Variants in FGD5 observed in about 807,000 individuals in gnomAD.
The protein encoded by FGD5 is FYVE, RhoGEF and PH domain containing 5.
In FGD5, 28 loss-of-function variants were observed where a neutral mutation model predicts 133.4. The ratio of observed to expected loss-of-function variants is 0.21; its 90% CI spans 0.16 to 0.29. The LOEUF (loss-of-function observed/expected upper bound fraction) is 0.29, where lower values mean the gene tolerates loss of function less well. FGD5 is among the 10% of genes least tolerant of loss of function. FGD5 has a pLI of 1.00. For missense variants in FGD5, 1,858 were observed against 1,895.2 expected, an observed-to-expected ratio of 0.98 and a Z score of 0.36; for synonymous variants, 810 against 776.5, an observed-to-expected ratio of 1.04 and a Z score of -0.72.
At chr3:14,825,725 T>C (rs1349110650) in intron 1 of FGD5, among the ~76,000 whole-genome samples, 3 of 152,106 alleles carry the variant, frequency 2.0e-5, no homozygotes, top group Non-Finnish European at 4.4e-5. Context: ...AAAAAAAAGT[T>C]TTCAGCAGAG....
chr3:14,930,300 T>A (rs942425167), intron 18 of FGD5, among the ~76,000 whole-genome samples: 3 of 152,190 alleles, frequency 2.0e-5, no homozygotes, highest in African/African-American at 7.2e-5. Flanking sequence ...ACCTAGTTCT[T>A]TTTTAAGACT....
intron 1 of FGD5, among the ~76,000 whole-genome samples, chr3:14,862,105 G>T (rs2125103208): frequency 6.6e-6 from 1 of 152,264 alleles, no homozygotes; most frequent in South Asian, 2.1e-4. Flanking sequence ...TCACATAGTG[G>T]CTGTGCTAGG....
At chr3:14,828,087 G>T (rs903318547) in intron 1 of FGD5, among the ~76,000 whole-genome samples, 1 of 152,176 alleles carries the variant, frequency 6.6e-6, no homozygotes, top group African/African-American at 2.4e-5. Flanking sequence ...ATGGTTGTTT[G>T]TGAAATGACT....
At position 14,917,405 on chromosome 3, in the gene FGD5, G is replaced by T; in HGVS notation, c.3489+73G>T. 5.1e-6 allele frequency: 7 copies of T among 1,360,948 alleles called. No homozygotes were observed. The highest frequency in any genetic ancestry group is 7.2e-6 in the Non-Finnish European group (7 of 974,952). The allele number at this position is 1,360,948 out of a possible 1,614,324, so 84.3% of individuals were successfully genotyped here. On this transcript the variant is annotated intron_variant, in intron 12 of 19. Coordinates refer to ENST00000285046, the MANE Select transcript of FGD5 (RefSeq NM_152536.4). The surrounding 1 kb of genome is among the most constrained non-coding windows in gnomAD (Gnocchi z 4.1). ...CCAGGGGAGAAGGGGACAGCATCCT[G>T]CTCCCAGGAGCACCCAGACCAGCTG...
chr3:14,835,133 G>A (rs1206151031), intron 1 of FGD5, among the ~76,000 whole-genome samples: 10 of 152,194 alleles, frequency 6.6e-5, no homozygotes, highest in Non-Finnish European at 1.5e-4. Context: ...CTTAGGAAAT[G>A]GCGAGCCACT....
intron 1 of FGD5, among the ~76,000 whole-genome samples, chr3:14,822,317 A>G (rs1054860704): frequency 1.3e-5 from 2 of 152,130 alleles, no homozygotes; most frequent in African/African-American, 2.4e-5. Context: ...GCCAAACTAA[A>G]TATCTTTCAC....
intron 1 of FGD5, among the ~76,000 whole-genome samples, chr3:14,862,693 G>T (rs923760429): frequency 1.3e-5 from 2 of 152,358 alleles, no homozygotes; most frequent in Admixed American, 6.5e-5. Context: ...CCAGAGGGTA[G>T]CCTGTTGGCT....
chr3:14,869,595 C>T (rs1420963273), intron 2 of FGD5, among the ~76,000 whole-genome samples: 2 of 152,174 alleles, frequency 1.3e-5, no homozygotes, highest in Non-Finnish European at 1.5e-5. Flanking sequence ...CACTGACTCC[C>T]CATTCCTCCT....
chr3:14,862,010 G>A (rs1304205799), intron 1 of FGD5, among the ~76,000 whole-genome samples: 1 of 152,134 alleles, frequency 6.6e-6, no homozygotes, highest in African/African-American at 2.4e-5. Context: ...GAGGTGGCCT[G>A]GCCAGCAGAG....
rs1052828306 is a variant in FGD5, at chr3:14,933,788, G to C, written c.*621G>C. The C allele has an allele frequency of 1.3e-5, 2 of 154,444 alleles. No homozygotes were observed. The highest frequency in any genetic ancestry group is 2.9e-5 in the Non-Finnish European group (2 of 69,346). 9.6% of individuals were successfully genotyped at this position (154,444 alleles called of 1,614,324 possible). ...GCAGACCTGGCTGTGGCTTGCTGGT[G>C]TGCAAGCACACATCACTTTAGAGGG... On this transcript the variant is annotated 3_prime_UTR_variant, in exon 20 of 20. Coordinates refer to ENST00000285046, the MANE Select transcript of FGD5 (RefSeq NM_152536.4).
intron 9 of FGD5, among the ~76,000 whole-genome samples, chr3:14,902,802 G>T (rs2038266919): frequency 6.6e-6 from 1 of 152,170 alleles, no homozygotes; most frequent in African/African-American, 2.4e-5. Context: ...TTTAGCCGGG[G>T]CTGCCTCTGC....
rs749539714 is a variant in FGD5 at position 14,910,915 on chromosome 3, C to T, written c.3391C>T (p.Arg1131Trp). Residue 1131 changes from arginine (R) to tryptophan (W), a missense_variant, in exon 11 of 20, where the codon CGG (arginine) becomes TGG (tryptophan). Coordinates refer to ENST00000285046, the MANE Select transcript of FGD5 (RefSeq NM_152536.4). Reference sequence around the variant, plus strand: ...AGTAACAGGGAAAAACAGACGGCCCCGGCACCTATTTCTGGTAAGTGCCCG... The same window carrying T: ...AGTAACAGGGAAAAACAGACGGCCCTGGCACCTATTTCTGGTAAGTGCCCG... ...MKVTGKNRRP[R>W]HLFLMNDVLL... 21 of 1,612,694 alleles carry T rather than the reference C, an allele frequency of 1.3e-5. No homozygotes were observed. Among genetic ancestry groups the T allele is most frequent in the South Asian group, 6.6e-5 (6 of 90,758 alleles).
chr3:14,918,714 C>A, intron 12 of FGD5, 40 bp from the exon 13 acceptor site: 14 of 1,587,340 alleles, frequency 8.8e-6, no homozygotes, highest in Non-Finnish European at 1.2e-5. Flanking sequence ...ACTTGCCCCT[C>A]CCTGCCCCAC....
chr3:14,845,200 T>G (rs2037026636), intron 1 of FGD5, among the ~76,000 whole-genome samples: 1 of 152,222 alleles, frequency 6.6e-6, no homozygotes, highest in Non-Finnish European at 1.5e-5. Flanking sequence ...TTGTAAAGGT[T>G]CTGAAGGCAC....
At chr3:14,928,248 A>AT (rs2038847211) in intron 18 of FGD5, among the ~76,000 whole-genome samples, 1 of 144,120 alleles carries the variant, frequency 6.9e-6, no homozygotes, top group Non-Finnish European at 1.5e-5. Flanking sequence ...CAATTTTTTT[A>AT]TTTTTTGTAG....
At position 14,886,954 on chromosome 3, in the gene FGD5, C is replaced by T. The variant is rs567322359; in HGVS notation, c.2748+6182C>T. ...TAAATGTATTTTATGGCCCAGCATA[C>T]GCCCTAGCCTACCTGGAGAATGTTC... On this transcript the variant is annotated intron_variant, in intron 4 of 19. Transcript: ENST00000285046. Among the ~76,000 whole-genome samples, 251 of 152,320 alleles carry T rather than the reference C, an allele frequency of 1.6e-3. 1 individual carries two copies. Among genetic ancestry groups the T allele is most frequent in the African/African-American group, 5.8e-3 (239 of 41,564 alleles).
At chr3:14,882,413 T>C (rs368480919) in intron 4 of FGD5, 2 of 938,520 alleles carry the variant, frequency 2.1e-6, no homozygotes, top group African/African-American at 1.8e-5. Context: ...AAGTCATCAC[T>C]CAGGCCAGGC....
intron 17 of FGD5, among the ~76,000 whole-genome samples, chr3:14,925,636 A>C (rs2125160454): frequency 6.6e-6 from 1 of 152,312 alleles, no homozygotes; most frequent in Non-Finnish European, 1.5e-5. Context: ...AACGCTGCAC[A>C]CACCCCACTA....
At chr3:14,837,399 C>T (rs1009037937) in intron 1 of FGD5, among the ~76,000 whole-genome samples, 3 of 152,172 alleles carry the variant, frequency 2.0e-5, no homozygotes, top group African/African-American at 7.2e-5. Flanking sequence ...TCTAATCCAC[C>T]ATTCCTTGGT....
Sources: gnomAD v4.1 joint callset for allele counts (sites outside exome capture counted in the v4.1 genomes callset) on GRCh38, gnomAD v4.1.1 for gene constraint, Gnocchi (gnomAD v3.1) non-coding constraint, MANE v1.5 for transcripts, NCBI Gene and HGNC (gene_info 2026-07-23, HGNC 2026-07-21) for gene names.